The following FAM90A26 variants were observed in gnomAD, a reference collection of about 807,000 sequenced individuals.
FAM90A26 encodes family with sequence similarity 90 member A26.
rs1252719321 is a variant in FAM90A26 at position 9,172,947 on chromosome 4, C to G, written c.-56-170C>G. The stretch of plus-strand genomic sequence containing the variant: ...GCACTAGGTAAACATGGCAGAGGAA[C>G]ACACAATATCTGAGGATGCACACAG... On this transcript the variant is annotated intron_variant, in intron 3 of 6. Coordinates refer to ENST00000512047, the Ensembl canonical transcript of FAM90A26. Among the ~76,000 whole-genome samples, 2 of 23,998 alleles carry G rather than the reference C, an allele frequency of 8.3e-5. 1 individual carries two copies. The highest frequency in any genetic ancestry group is 1.7e-4 in the Non-Finnish European group (2 of 11,784). 15.7% of individuals were successfully genotyped at this position (23,998 alleles called of 152,430 possible).
chr4:9,173,005 G>A, intron 3 of FAM90A26, 112 bp from the exon 4 acceptor site: 1 of 94,806 alleles, frequency 1.1e-5, no homozygotes, highest in Non-Finnish European at 2.0e-5. Flanking sequence ...ACCGACTGGT[G>A]GTGAGGTCTC....
chr4:9,172,466 G>C (rs1713452909), intron 3 of FAM90A26, among the ~76,000 whole-genome samples: 1 of 44,612 alleles, frequency 2.2e-5, no homozygotes, highest in Non-Finnish European at 5.3e-5. Flanking sequence ...GTAAGACGTC[G>C]ATACGATATG....
In FAM90A26 at chr4:9,173,354, G is replaced by T; in HGVS notation, c.123+59G>T. 1.8e-5 allele frequency: 2 copies of T among 112,262 alleles called. 1 individual carries two copies. Among genetic ancestry groups the T allele is most frequent in the Non-Finnish European group, 3.3e-5 (2 of 60,670 alleles). The allele number at this position is 112,262 out of a possible 1,614,324, so 7.0% of individuals were successfully genotyped here. ...GTGGGGGTGGGGGCCGGGGGAGGGG[G>T]TGTCACACGGTCCTCAGAGACTGGG... On this transcript the variant is annotated intron_variant, in intron 4 of 6. Coordinates refer to ENST00000512047, the Ensembl canonical transcript of FAM90A26.
intron 6 of FAM90A26, among the ~76,000 whole-genome samples, chr4:9,174,865 G>T (rs188773871): frequency 0.015 from 352 of 23,904 alleles, 169 homozygotes; most frequent in African/African-American, 0.086. Flanking sequence ...AAATGCATGT[G>T]TTCAGAGAAG....
In FAM90A26 at chr4:9,175,819, CAGG is replaced by C. The variant is rs771094966; in HGVS notation, c.1052_1054del (p.Arg351del). On this transcript the variant is annotated inframe_deletion, in exon 7 of 7. Coordinates refer to ENST00000512047, the Ensembl canonical transcript of FAM90A26. Reference sequence around the variant, plus strand: ...GACCAAGTACGTCGCCCCAGATGGGCAGGAGGACACCCGCCCAGGTGTCCAGCG... The same window carrying C: ...GACCAAGTACGTCGCCCCAGATGGGCAGGACACCCGCCCAGGTGTCCAGCG... 14 of 188,532 alleles carry C rather than the reference CAGG, an allele frequency of 7.4e-5. 7 individuals are homozygous for C. The highest frequency in any genetic ancestry group is 6.7e-4 in the South Asian group (14 of 21,046). The allele number at this position is 188,532 out of a possible 1,614,324, so 11.7% of individuals were successfully genotyped here. A position where few individuals can be genotyped will look rare whatever the true frequency, so the allele number is the denominator to read the frequency against.
Position 9,170,947 on chromosome 4 carries a change from G to A in FAM90A26, c.-421+425G>A, listed in dbSNP as rs1300409586. ...ATCTATAATTTCAGCATATTGGGAGGCCAAGGAGAGTGGATCACCTGAGGT... is the reference window on the plus strand; with the variant it reads ...ATCTATAATTTCAGCATATTGGGAGACCAAGGAGAGTGGATCACCTGAGGT... On this transcript the variant is annotated intron_variant, in intron 1 of 6. Transcript: ENST00000512047. Among the ~76,000 whole-genome samples, 2 of 23,132 alleles carry A rather than the reference G, an allele frequency of 8.6e-5. 1 individual carries two copies. The highest frequency in any genetic ancestry group is 6.8e-4 in the Admixed American group (2 of 2,962). 15.2% of individuals were successfully genotyped at this position (23,132 alleles called of 152,430 possible). A position where few individuals can be genotyped will look rare whatever the true frequency, so the allele number is the denominator to read the frequency against.
At position 9,175,655 on chromosome 4, in the gene FAM90A26, C is replaced by A; in HGVS notation, c.883C>A (p.Gln295Lys). The A allele has an allele frequency of 7.6e-6, 2 of 262,912 alleles. 1 individual carries two copies. Among genetic ancestry groups the A allele is most frequent in the East Asian group, 2.3e-4 (2 of 8,850 alleles). The allele number at this position is 262,912 out of a possible 1,614,324, so 16.3% of individuals were successfully genotyped here. A position where few individuals can be genotyped will look rare whatever the true frequency, so the allele number is the denominator to read the frequency against. ...CGGGCCAGGAGCCAAGAGACCTGCC[C>A]AGGCTCCGATTCAGGCTTGCCTGAA... The change falls in exon 7 of 7, where the codon CAG (glutamine) becomes AAG (lysine). Residue 295 changes from glutamine to lysine, a missense_variant. Gln to Lys is a moderately conservative substitution (Grantham distance 53, BLOSUM62 1). Transcript: ENST00000512047.
intron 1 of FAM90A26, 133 bp downstream of exon 1, chr4:9,170,655 G>T: frequency 3.5e-5 from 1 of 28,352 alleles, no homozygotes; most frequent in East Asian, 7.9e-4. Flanking sequence ...GTTCCAAGCC[G>T]CCCCTGCCCT....
Position 9,175,085 on chromosome 4 carries a change from C to A in FAM90A26, c.433-120C>A. 2 of 126,398 alleles carry A rather than the reference C, an allele frequency of 1.6e-5. 1 individual carries two copies. The highest frequency in any genetic ancestry group is 2.9e-5 in the Non-Finnish European group (2 of 67,930). 7.8% of individuals were successfully genotyped at this position (126,398 alleles called of 1,614,324 possible). A position where few individuals can be genotyped will look rare whatever the true frequency, so the allele number is the denominator to read the frequency against. ...ATCAGCACTCAGGTGGAGGGTCTGT[C>A]CCTACTTCCAAGGACCGTAAGAATT... On this transcript the variant is annotated intron_variant, in intron 6 of 6. Coordinates refer to ENST00000512047, the Ensembl canonical transcript of FAM90A26.
rs1713477897 is a variant in FAM90A26 at position 9,174,221 on chromosome 4, A to G, written c.324-227A>G. On this transcript the variant is annotated intron_variant, in intron 5 of 6. Transcript: ENST00000512047. The stretch of plus-strand genomic sequence containing the variant: ...GCGCTTCGTGCAGGTTCCCCACGAC[A>G]GGGGGAAAAGCGATGGAATCCAAAT... Among the ~76,000 whole-genome samples, 2 of 23,556 alleles carry G rather than the reference A, an allele frequency of 8.5e-5. 1 individual carries two copies. Among genetic ancestry groups the G allele is most frequent in the Non-Finnish European group, 1.7e-4 (2 of 11,574 alleles). 15.5% of individuals were successfully genotyped at this position (23,556 alleles called of 152,430 possible).
Position 9,174,045 on chromosome 4 carries a change from G to A in FAM90A26, c.323+56G>A, listed in dbSNP as rs527996594. 1.4e-5 allele frequency: 2 copies of A among 146,186 alleles called. 1 individual carries two copies. The highest frequency in any genetic ancestry group is 1.3e-4 in the Admixed American group (2 of 14,828). The allele number at this position is 146,186 out of a possible 1,614,324, so 9.1% of individuals were successfully genotyped here. On this transcript the variant is annotated intron_variant, in intron 5 of 6. Coordinates refer to ENST00000512047, the Ensembl canonical transcript of FAM90A26. ...TAGGGCACTGCCTCCTAAGGACATGGTGTCTGTGCACCTGCACACCGTGTG... is the reference window on the plus strand; with the variant it reads ...TAGGGCACTGCCTCCTAAGGACATGATGTCTGTGCACCTGCACACCGTGTG...
chr4:9,174,095 G>A lies in FAM90A26; in HGVS notation c.323+106G>A, dbSNP rs1322487349. The A allele has an allele frequency of 1.6e-5, 2 of 121,580 alleles. 1 individual carries two copies. Among genetic ancestry groups the A allele is most frequent in the African/African-American group, 3.9e-4 (2 of 5,168 alleles). 7.5% of individuals were successfully genotyped at this position (121,580 alleles called of 1,614,324 possible). A position where few individuals can be genotyped will look rare whatever the true frequency, so the allele number is the denominator to read the frequency against. On this transcript the variant is annotated intron_variant, in intron 5 of 6. Coordinates refer to ENST00000512047, the Ensembl canonical transcript of FAM90A26. ...GCCTTTCCGTCTCCGGGCCAGGGAA[G>A]CAACGCTGCAGAGAAATAGACCGGA...
Position 9,175,135 on chromosome 4 carries a change from G to A in FAM90A26, c.433-70G>A. 1.3e-5 allele frequency: 2 copies of A among 152,248 alleles called. 1 individual carries two copies. The highest frequency in any genetic ancestry group is 1.1e-4 in the South Asian group (2 of 18,704). The allele number at this position is 152,248 out of a possible 1,614,324, so 9.4% of individuals were successfully genotyped here. ...TTCATGGCGTGTGCAGCCTGTCTTT[G>A]GATGTGGTTGATTTTCACGTTGGCT... On this transcript the variant is annotated intron_variant, in intron 6 of 6. Coordinates refer to ENST00000512047, the Ensembl canonical transcript of FAM90A26.
chr4:9,175,541 C>A, exon 7 of FAM90A26: 1 of 283,434 alleles, frequency 3.5e-6, no homozygotes, highest in Non-Finnish European at 5.0e-6. Flanking sequence ...CATCAGCCCC[C>A]AGGCACAAGA....
rs145205524 is a variant in FAM90A26, at chr4:9,173,646, T to C, written c.124-144T>C. 8.7e-3 allele frequency: 915 copies of C among 104,832 alleles called. 278 individuals carry two copies. The highest frequency in any genetic ancestry group is 0.063 in the African/African-American group (255 of 4,042). The allele number at this position is 104,832 out of a possible 1,614,324, so 6.5% of individuals were successfully genotyped here. On this transcript the variant is annotated intron_variant, in intron 4 of 6. Coordinates refer to ENST00000512047, the Ensembl canonical transcript of FAM90A26. Reference sequence around the variant, plus strand: ...GAGGGAACATCGCATCCGAACTCTCTCAGCACTTAACGGCCCCCATGCCGG... The same window carrying C: ...GAGGGAACATCGCATCCGAACTCTCCCAGCACTTAACGGCCCCCATGCCGG...
intron 3 of FAM90A26, among the ~76,000 whole-genome samples, chr4:9,172,454 G>A (rs142917069): frequency 0.21 from 8,020 of 37,822 alleles, 2,059 homozygotes; most frequent in Middle Eastern, 0.26. Context: ...CCCTTCAGCC[G>A]TGTAAGACGT....
At position 9,176,084 on chromosome 4, in the gene FAM90A26, C is replaced by T. The variant is rs188640406; in HGVS notation, c.1312C>T (p.Arg438Cys). The T allele has an allele frequency of 1.6e-3, 406 of 253,112 alleles. 192 individuals are homozygous for T. The East Asian group carries it at 0.045, about 28-fold the overall frequency. The allele number at this position is 253,112 out of a possible 1,614,324, so 15.7% of individuals were successfully genotyped here. Residue 438 changes from arginine (R) to cysteine (C), a missense_variant, in exon 7 of 7, where the codon CGT becomes TGT. By Grantham distance (180) the Arg-to-Cys change is radical (BLOSUM62 -3). Coordinates refer to ENST00000512047, the Ensembl canonical transcript of FAM90A26. Reference sequence around the variant, plus strand: ...TGTCTCAGAGAAGTCTGAGGTTCCCCGTGTTCGTGTCCCACCGAACGTCCT... The same window carrying T: ...TGTCTCAGAGAAGTCTGAGGTTCCCTGTGTTCGTGTCCCACCGAACGTCCT...
At position 9,173,827 on chromosome 4, in the gene FAM90A26, C is replaced by T. The variant is rs760738768; in HGVS notation, c.161C>T (p.Ala54Val). 3 of 228,782 alleles carry T rather than the reference C, an allele frequency of 1.3e-5. 1 individual carries two copies. In the Admixed American group the frequency reaches 1.9e-4, roughly 15 times the overall value. The allele number at this position is 228,782 out of a possible 1,614,324, so 14.2% of individuals were successfully genotyped here. Residue 54 changes from alanine (A) to valine (V), a missense_variant, in exon 5 of 7, where the codon GCC becomes GTC. Transcript: ENST00000512047. ...AACTGTGGGGCCTTTGGTCACATGG[C>T]CAGAAGTACCAGGTGCCCCATGAAG...
chr4:9,173,843 C>T lies in FAM90A26; in HGVS notation c.177C>T (p.Cys59=), dbSNP rs1366629206. 8 of 231,866 alleles carry T rather than the reference C, an allele frequency of 3.5e-5. 4 individuals are homozygous for T. The highest frequency in any genetic ancestry group is 5.2e-5 in the Non-Finnish European group (8 of 152,446). The allele number at this position is 231,866 out of a possible 1,614,324, so 14.4% of individuals were successfully genotyped here. The stretch of plus-strand genomic sequence containing the variant: ...GTCACATGGCCAGAAGTACCAGGTG[C>T]CCCATGAAGTGCTGGAAGGCAGCCC... Residue 59 remains cysteine, a synonymous_variant, in exon 5 of 7, where the codon TGC becomes TGT. Coordinates refer to ENST00000512047, the Ensembl canonical transcript of FAM90A26.
Sources: gnomAD v4.1 joint callset for allele counts (sites outside exome capture counted in the v4.1 genomes callset) on GRCh38, gnomAD v4.1.1 for gene constraint, MANE v1.5 for transcripts, NCBI Gene and HGNC (gene_info 2026-07-23, HGNC 2026-07-21) for gene names.